ABCC1: variants seen among roughly 807,000 people sequenced by gnomAD.
ABCC1 encodes multidrug resistance-associated protein 1.
In ABCC1, 83 loss-of-function variants were observed where a neutral mutation model predicts 172.9. The ratio of observed to expected loss-of-function variants is 0.48; its 90% CI spans 0.40 to 0.58. The LOEUF (loss-of-function observed/expected upper bound fraction) is 0.58. ABCC1 is among the 20% of genes least tolerant of loss of function. The pLI is 0.00. For missense variants in ABCC1, 1,817 were observed against 2,002.7 expected (o/e 0.91, Z 1.77); for synonymous variants, 937 against 825.2 (o/e 1.14, Z -2.32).
intron 1 of ABCC1, among the ~76,000 whole-genome samples, chr16:15,950,436 G>T (rs760190119): frequency 6.6e-6 from 1 of 152,128 alleles, no homozygotes; most frequent in Non-Finnish European, 1.5e-5. Flanking sequence ...CTGACCCTCG[G>T]CTCGGGGCAG....
chr16:15,974,461 C>T (rs1289077743), intron 1 of ABCC1, among the ~76,000 whole-genome samples: 2 of 152,118 alleles, frequency 1.3e-5, no homozygotes, highest in Admixed American at 6.5e-5. Context: ...TGCCTGTCTC[C>T]TTGAGTTGGC....
intron 26 of ABCC1, among the ~76,000 whole-genome samples, chr16:16,131,219 C>G (rs1331263653): frequency 1.3e-5 from 2 of 152,124 alleles, no homozygotes; most frequent in African/African-American, 4.8e-5. Context: ...CAAAAATGAA[C>G]AACTATGGTC....
intron 19 of ABCC1, among the ~76,000 whole-genome samples, chr16:16,100,303 G>A (rs1223101764): frequency 1.3e-5 from 2 of 152,180 alleles, no homozygotes; most frequent in South Asian, 2.1e-4. Flanking sequence ...GCTCAGTGAC[G>A]AACAGGAGAA....
intron 25 of ABCC1, 117 bp downstream of exon 25, chr16:16,125,032 A>C (rs2045370461): frequency 1.2e-5 from 18 of 1,469,332 alleles, no homozygotes; most frequent in Non-Finnish European, 1.5e-5. Flanking sequence ...AGAGGTACGG[A>C]GTTTGAGGAG....
chr16:15,972,459 T>A (rs2046391041), intron 1 of ABCC1, among the ~76,000 whole-genome samples: 1 of 152,182 alleles, frequency 6.6e-6, no homozygotes, highest in Admixed American at 6.5e-5. Flanking sequence ...CTCTGCTGTT[T>A]TCTTGTCTTT....
chr16:16,039,872 G>A (rs897323741), intron 7 of ABCC1, among the ~76,000 whole-genome samples: 3 of 152,084 alleles, frequency 2.0e-5, no homozygotes, highest in East Asian at 1.9e-4. Flanking sequence ...GAGGACACTC[G>A]TGGTGCATCA....
intron 1 of ABCC1, among the ~76,000 whole-genome samples, chr16:15,953,480 G>T (rs905361650): frequency 9.9e-5 from 15 of 152,200 alleles, no homozygotes; most frequent in African/African-American, 3.6e-4. Flanking sequence ...ATCTCTCCGT[G>T]CCTCAGTTTC....
At chr16:15,996,442 A>C (rs946547879) in intron 1 of ABCC1, among the ~76,000 whole-genome samples, 40 of 152,110 alleles carry the variant, frequency 2.6e-4, no homozygotes, top group African/African-American at 8.5e-4. Context: ...AGTTATTGAG[A>C]TGGTTGAATT....
intron 21 of ABCC1, among the ~76,000 whole-genome samples, chr16:16,107,953 G>A (rs1424025232): frequency 6.6e-6 from 1 of 151,368 alleles, no homozygotes; most frequent in Non-Finnish European, 1.5e-5. Flanking sequence ...TCTTAGATCT[G>A]CCCGGATGTG....
chr16:16,084,177 A>T (rs1225423582), intron 17 of ABCC1, among the ~76,000 whole-genome samples: 1 of 152,044 alleles, frequency 6.6e-6, no homozygotes, highest in African/African-American at 2.4e-5. Context: ...ATCTCAGCTC[A>T]CTGCAACCTC....
intron 12 of ABCC1, 172 bp downstream of exon 12, chr16:16,056,467 G>C (rs2049660062): frequency 8.8e-6 from 6 of 679,480 alleles, no homozygotes; most frequent in Admixed American, 8.5e-5. Context: ...AGGAGTTCAA[G>C]ACCAGCCTGG....
chr16:16,001,492 G>A (rs976318794), intron 1 of ABCC1, among the ~76,000 whole-genome samples: 4 of 151,984 alleles, frequency 2.6e-5, no homozygotes, highest in African/African-American at 7.3e-5. Flanking sequence ...GAGCCACCGC[G>A]CCCAGCCAGG....
intron 1 of ABCC1, among the ~76,000 whole-genome samples, chr16:15,970,625 A>C (rs2046346042): frequency 6.6e-6 from 1 of 152,232 alleles, no homozygotes; most frequent in Admixed American, 6.5e-5. Flanking sequence ...AAAAAGAACC[A>C]GAAGGAGGCT....
At chr16:16,006,765 A>G (rs1311488069) in intron 1 of ABCC1, among the ~76,000 whole-genome samples, 1 of 152,046 alleles carries the variant, frequency 6.6e-6, no homozygotes, top group Non-Finnish European at 1.5e-5. Flanking sequence ...AAAAATAATT[A>G]CAGAATGAAA....
At chr16:15,952,317 A>G (rs928511810) in intron 1 of ABCC1, among the ~76,000 whole-genome samples, 4 of 151,858 alleles carry the variant, frequency 2.6e-5, no homozygotes, top group African/African-American at 7.2e-5. Context: ...GCTGGTGGAG[A>G]TGGGATTGGG....
At chr16:15,996,204 C>G (rs576341160) in intron 1 of ABCC1, among the ~76,000 whole-genome samples, 1 of 152,042 alleles carries the variant, frequency 6.6e-6, no homozygotes, top group South Asian at 2.1e-4. Context: ...AGGCTGGTCT[C>G]GAACTCCTGA....
At chr16:16,124,337 G>GTGTGTGTGTGTGTGTGTGTA (rs150885815) in intron 24 of ABCC1, among the ~76,000 whole-genome samples, 3 of 122,808 alleles carry the variant, frequency 2.4e-5, no homozygotes, top group East Asian at 2.5e-4. Flanking sequence ...GTGTGTGTGT[G>GTGTGTGTGTGTGTGTGTGTA]TGTGTGTGTG....
At chr16:15,974,524 T>G (rs1290140386) in intron 1 of ABCC1, among the ~76,000 whole-genome samples, 1 of 152,102 alleles carries the variant, frequency 6.6e-6, no homozygotes, top group Admixed American at 6.5e-5. Context: ...TTCTGGAAAC[T>G]TAGAAAAAAG....
intron 1 of ABCC1, among the ~76,000 whole-genome samples, chr16:15,997,225 G>A (rs777659179): frequency 1.3e-5 from 2 of 151,754 alleles, no homozygotes; most frequent in Non-Finnish European, 2.9e-5. Flanking sequence ...TCACGTAGCC[G>A]GGACTCAGGC....
Sources: allele counts gnomAD v4.1 joint callset (sites outside exome capture counted in the v4.1 genomes callset), GRCh38; gene constraint gnomAD v4.1.1; transcripts MANE v1.5; gene names NCBI Gene and HGNC (gene_info 2026-07-23, HGNC 2026-07-21).